DCC: variants seen among roughly 807,000 people sequenced by gnomAD.
DCC encodes the protein netrin receptor DCC.
A neutral mutation model predicts 172.5 loss-of-function variants in DCC; 58 were observed. The observed-to-expected ratio is 0.34, with a 90% CI of 0.27 to 0.42. The LOEUF is 0.42. Ranked by LOEUF, DCC falls within the 10% of genes least tolerant of loss-of-function variation. The pLI, the probability that DCC is intolerant of heterozygous loss-of-function variation, is 1.00. For synonymous variants in DCC, 709 were observed against 644.5 expected (o/e 1.10, Z -1.52); for missense variants, 1,740 against 1,791.0 (o/e 0.97, Z 0.51).
chr18:53,308,564 A>T (rs1386139228), intron 13 of DCC, among the ~76,000 whole-genome samples: 3 of 152,232 alleles, frequency 2.0e-5, no homozygotes, highest in Non-Finnish European at 2.9e-5. Flanking sequence ...AAAACAAATG[A>T]ATAGTAGCCT....
rs886429721 is a variant in DCC at position 52,586,092 on chromosome 18, A to G, written c.92-165962A>G. ...AGCAAGACTCCGTCTCAAAAAAAAAAAAAAAAAAAAAAAAAACAAAAACAC... is the reference window on the plus strand; with the variant it reads ...AGCAAGACTCCGTCTCAAAAAAAAAGAAAAAAAAAAAAAAAACAAAAACAC... On this transcript the variant is annotated intron_variant, in intron 1 of 28. Transcript: ENST00000442544. Among the ~76,000 whole-genome samples, 162 of 150,220 alleles carry G rather than the reference A, an allele frequency of 1.1e-3. 2 individuals carry two copies. The highest frequency in any genetic ancestry group is 3.8e-3 in the African/African-American group (154 of 40,782).
At chr18:52,809,149 G>A (rs2038145763) in intron 2 of DCC, 2 of 152,174 alleles carry the variant, frequency 1.3e-5, no homozygotes, top group Admixed American at 6.5e-5. Flanking sequence ...ATGACAGCTA[G>A]GAATTTGAGG....
intron 13 of DCC, among the ~76,000 whole-genome samples, chr18:53,310,068 T>G (rs2057248570): frequency 6.6e-6 from 1 of 151,036 alleles, no homozygotes; most frequent in African/African-American, 2.4e-5. Context: ...CTTTGGAAAA[T>G]CGTTCCCTCC....
At chr18:52,395,114 T>C (rs1986172709) in intron 1 of DCC, among the ~76,000 whole-genome samples, 1 of 152,074 alleles carries the variant, frequency 6.6e-6, no homozygotes, top group Non-Finnish European at 1.5e-5. Flanking sequence ...CCTTTGTGTT[T>C]ATTTTCTGTT....
At position 53,000,024 on chromosome 18, in the gene DCC, C is replaced by G. The variant is rs943191997; in HGVS notation, c.986-63281C>G. ...AGGCCAAGGAACGCCAAACATCAAC[C>G]ACCACCAATTAAGAGCTAGGAAGAG... On this transcript the variant is annotated intron_variant, in intron 5 of 28. Transcript: ENST00000442544. Among the ~76,000 whole-genome samples the G allele has an allele frequency of 4.6e-5, 7 of 151,980 alleles. No individual in the cohort carries two copies. In the East Asian group the frequency reaches 1.4e-3, roughly 29 times the overall value.
intron 2 of DCC, among the ~76,000 whole-genome samples, chr18:52,818,720 T>A (rs1420026710): frequency 6.6e-6 from 1 of 152,202 alleles, no homozygotes; most frequent in Non-Finnish European, 1.5e-5. Context: ...CCACTCTTCA[T>A]GTGCTAAACA....
intron 2 of DCC, among the ~76,000 whole-genome samples, chr18:52,835,135 T>A (rs1184795788): frequency 6.6e-6 from 1 of 152,218 alleles, no homozygotes; most frequent in Non-Finnish European, 1.5e-5. Flanking sequence ...ATTCCATGGG[T>A]GTTTTGTAAT....
At chr18:52,572,543 C>T (rs1229181812) in intron 1 of DCC, among the ~76,000 whole-genome samples, 1 of 152,146 alleles carries the variant, frequency 6.6e-6, no homozygotes, top group South Asian at 2.1e-4. Flanking sequence ...TCTAGAGCTC[C>T]TGGAGTCCAG....
At chr18:52,591,790 T>TC (rs1366461015) in intron 1 of DCC, among the ~76,000 whole-genome samples, 1 of 146,162 alleles carries the variant, frequency 6.8e-6, no homozygotes, top group African/African-American at 2.6e-5. Flanking sequence ...TTTATTTCTT[T>TC]TTTTTTTTTT....
intron 1 of DCC, among the ~76,000 whole-genome samples, chr18:52,702,514 A>G (rs926753282): frequency 6.6e-6 from 1 of 152,168 alleles, no homozygotes; most frequent in Non-Finnish European, 1.5e-5. Flanking sequence ...TGACATGATC[A>G]GTAACAGCAC....
At chr18:53,267,545 A>G (rs2056695423) in intron 12 of DCC, among the ~76,000 whole-genome samples, 1 of 151,870 alleles carries the variant, frequency 6.6e-6, no homozygotes, top group Non-Finnish European at 1.5e-5. Flanking sequence ...AGTGGTGCAA[A>G]CACTGCTTAC....
chr18:52,501,531 G>A (rs75528881), intron 1 of DCC, among the ~76,000 whole-genome samples: 9,306 of 152,146 alleles, frequency 0.061, 349 homozygotes, highest in East Asian at 0.084. Flanking sequence ...TTCAGGGAAG[G>A]GGGGAGAAGA....
At chr18:52,896,506 A>G (rs1437136850) in intron 2 of DCC, among the ~76,000 whole-genome samples, 1 of 152,194 alleles carries the variant, frequency 6.6e-6, no homozygotes, top group Non-Finnish European at 1.5e-5. Context: ...ACTTTCACAT[A>G]CATAAATGGC....
chr18:52,384,419 A>C (rs1985709475), intron 1 of DCC, among the ~76,000 whole-genome samples: 1 of 152,194 alleles, frequency 6.6e-6, no homozygotes, highest in Non-Finnish European at 1.5e-5. Flanking sequence ...TGAATGAGTG[A>C]TGTCAAACAC....
intron 1 of DCC, among the ~76,000 whole-genome samples, chr18:52,459,506 C>T (rs1453828540): frequency 1.3e-5 from 2 of 151,014 alleles, no homozygotes; most frequent in African/African-American, 2.4e-5. Context: ...CTCACTCTGT[C>T]GCCCAGGCTG....
At chr18:52,647,863 G>T (rs1479717340) in intron 1 of DCC, among the ~76,000 whole-genome samples, 2 of 152,202 alleles carry the variant, frequency 1.3e-5, no homozygotes, top group Non-Finnish European at 2.9e-5. Context: ...GGAGTAGAGT[G>T]TGTGCTGGGA....
At chr18:53,438,029 G>A (rs959137416) in intron 22 of DCC, among the ~76,000 whole-genome samples, 2 of 152,170 alleles carry the variant, frequency 1.3e-5, no homozygotes, top group Admixed American at 1.3e-4. Context: ...AAACATAATT[G>A]TTGTATTTTA....
At chr18:52,499,584 C>T (rs1052653072) in intron 1 of DCC, among the ~76,000 whole-genome samples, 1 of 152,104 alleles carries the variant, frequency 6.6e-6, no homozygotes, top group South Asian at 2.1e-4. Context: ...TATTTGGCAG[C>T]CATCATTAAC....
chr18:53,128,677 C>T (rs1472457632), intron 7 of DCC, among the ~76,000 whole-genome samples: 1 of 151,590 alleles, frequency 6.6e-6, no homozygotes, highest in South Asian at 2.1e-4. Flanking sequence ...TCCTATTCAA[C>T]TCAGAAAGTG....
Sources: allele counts gnomAD v4.1 joint callset (sites outside exome capture counted in the v4.1 genomes callset), GRCh38; gene constraint gnomAD v4.1.1; transcripts MANE v1.5; gene names NCBI Gene and HGNC (gene_info 2026-07-23, HGNC 2026-07-21).